PAPSS2: variants seen among roughly 807,000 people sequenced by gnomAD.
The protein encoded by PAPSS2 is bifunctional 3'-phosphoadenosine 5'-phosphosulfate synthase 2.
Under a neutral mutation model 66.5 loss-of-function variants are expected in PAPSS2, and 61 were observed. The ratio of observed to expected loss-of-function variants is 0.92; its 90% CI spans 0.75 to 1.14. The LOEUF is 1.14. PAPSS2 is among the 50% of genes most tolerant of loss of function. The pLI is 0.00. For synonymous variants in PAPSS2, 289 were observed against 287.5 expected, an observed-to-expected ratio of 1.01 and a Z score of -0.05; for missense variants, 708 against 789.6, an observed-to-expected ratio of 0.90 and a Z score of 1.24.
chr10:87,685,234 A>T (rs1440851278), intron 1 of PAPSS2, among the ~76,000 whole-genome samples: 2 of 152,218 alleles, frequency 1.3e-5, no homozygotes, highest in African/African-American at 4.8e-5. Flanking sequence ...TTTGGCTTTA[A>T]CTGTTCAGGC....
chr10:87,703,194 A>T (rs975991771), intron 1 of PAPSS2, among the ~76,000 whole-genome samples: 2 of 152,138 alleles, frequency 1.3e-5, no homozygotes, highest in African/African-American at 4.8e-5. Context: ...CAGTAGAATG[A>T]CACTGCAAAT....
chr10:87,709,320 C>G lies in PAPSS2; in HGVS notation c.145+7C>G. The G allele has an allele frequency of 6.9e-7, 1 of 1,450,886 alleles. No homozygotes were observed. The highest frequency in any genetic ancestry group is 9.5e-7 in the Non-Finnish European group (1 of 1,055,026). 89.9% of individuals were successfully genotyped at this position (1,450,886 alleles called of 1,614,324 possible). A position where few individuals can be genotyped will look rare whatever the true frequency, so the allele number is the denominator to read the frequency against. ...TGTACCGTGTGGCTAACAGGTATGT[C>G]ATGTTCATATATATATATATATATA... On this transcript the variant is annotated splice_region_variant and intron_variant, in intron 2 of 12. Transcript: ENST00000456849.
At chr10:87,721,843 A>G in intron 8 of PAPSS2, 73 bp downstream of exon 8, 1 of 879,848 alleles carries the variant, frequency 1.1e-6, no homozygotes, top group Non-Finnish European at 1.8e-6. Context: ...AATGGTTAAG[A>G]ACATAACTAA....
chr10:87,726,052 A>AT (rs1853655997), intron 8 of PAPSS2, among the ~76,000 whole-genome samples: 2 of 152,174 alleles, frequency 1.3e-5, no homozygotes, highest in Non-Finnish European at 2.9e-5. Context: ...CTGAAAATAC[A>AT]TTTTTTACAA....
chr10:87,745,037 T>C lies in PAPSS2; in HGVS notation c.1527T>C (p.Gly509=), dbSNP rs1853918912. The C allele has an allele frequency of 1.2e-6, 2 of 1,613,942 alleles. No homozygotes were observed. The highest frequency in any genetic ancestry group is 1.3e-5 in the African/African-American group (1 of 74,900). The change falls in exon 12 of 13, where the codon GGT becomes GGC. Residue 509 remains glycine, a synonymous_variant. Transcript: ENST00000456849. ...ACTGCAGGTCCCGGATGATTGCGGG[T>C]GCCAATTTCTACATTGTGGGGAGGG... The part of the protein sequence containing the change: ...QWHCRSRMIA[G]ANFYIVGRDP...
At chr10:87,723,609 GT>G (rs1853622797) in intron 8 of PAPSS2, among the ~76,000 whole-genome samples, 1 of 152,146 alleles carries the variant, frequency 6.6e-6, no homozygotes, top group Non-Finnish European at 1.5e-5. Context: ...CTAGTTTGTG[GT>G]TTATAAAGGG....
At chr10:87,704,192 A>G (rs1052038448) in intron 1 of PAPSS2, among the ~76,000 whole-genome samples, 13 of 152,248 alleles carry the variant, frequency 8.5e-5, no homozygotes, top group African/African-American at 1.7e-4. Flanking sequence ...GTACCTGGCC[A>G]TCCGAAAGTA....
At chr10:87,698,138 A>G (rs770676999) in intron 1 of PAPSS2, among the ~76,000 whole-genome samples, 2 of 152,148 alleles carry the variant, frequency 1.3e-5, no homozygotes, top group Admixed American at 6.5e-5. Context: ...CAATGTTTTC[A>G]TACTATTCAA....
In PAPSS2 at chr10:87,743,545, G is replaced by A. The variant is rs755359457; in HGVS notation, c.1395G>A (p.Lys465=). ...DDDVPLDWRM[K]QHAAVLEEGV... is the part of the protein sequence containing the mutation. ...ATGTGCCTCTAGACTGGCGGATGAA[G>A]CAGCACGCGGCTGTGCTCGAGGAAG... Residue 465 remains lysine (K), a synonymous_variant, in exon 11 of 13, where the codon AAG becomes AAA. Transcript: ENST00000456849. 4 of 1,614,152 alleles carry A rather than the reference G, an allele frequency of 2.5e-6. No individual in the cohort carries two copies. Among genetic ancestry groups the A allele is most frequent in the South Asian group, 2.2e-5 (2 of 91,080 alleles).
chr10:87,733,977 AG>A (rs1272669131), intron 9 of PAPSS2, among the ~76,000 whole-genome samples: 6 of 152,092 alleles, frequency 3.9e-5, no homozygotes, highest in Non-Finnish European at 1.5e-5. Context: ...TGCCAAATGT[AG>A]CTTTCAGTTA....
chr10:87,744,096 C>A (rs7090432), intron 11 of PAPSS2, among the ~76,000 whole-genome samples: 8 of 149,622 alleles, frequency 5.3e-5, no homozygotes, highest in African/African-American at 2.0e-4. Context: ...AGCGAGACTT[C>A]GTCTCAAAAA....
intron 8 of PAPSS2, among the ~76,000 whole-genome samples, chr10:87,722,211 T>C (rs943379236): frequency 6.6e-6 from 1 of 152,206 alleles, no homozygotes; most frequent in African/African-American, 2.4e-5. Flanking sequence ...TTGTGTATGA[T>C]TGTACTTCAT....
In PAPSS2 at chr10:87,713,214, C is replaced by G; in HGVS notation, c.285C>G (p.Asp95Glu). Residue 95 changes from aspartate to glutamate, a missense_variant, in exon 3 of 13, where the codon GAC becomes GAG. By Grantham distance (45) the Asp-to-Glu change is conservative. Coordinates refer to ENST00000456849, the MANE Select transcript of PAPSS2 (RefSeq NM_001015880.2). ...LNRNLGFSPG[D>E]REENIRRIAE... The stretch of plus-strand genomic sequence containing the variant: ...GAAATCTCGGATTCTCTCCTGGGGA[C>G]AGAGAGGAAAATATCCGCCGGATTG... 1 of 1,602,898 alleles carries G rather than the reference C, an allele frequency of 6.2e-7. No homozygotes were observed. The highest frequency in any genetic ancestry group is 8.5e-7 in the Non-Finnish European group (1 of 1,176,406).
chr10:87,685,347 CTT>C (rs1029441948), intron 1 of PAPSS2, among the ~76,000 whole-genome samples: 1 of 152,112 alleles, frequency 6.6e-6, no homozygotes, highest in Non-Finnish European at 1.5e-5. Flanking sequence ...GGAGTCTTCT[CTT>C]TAATGTTTGT....
At chr10:87,688,862 G>A (rs1441475239) in intron 1 of PAPSS2, among the ~76,000 whole-genome samples, 2 of 152,060 alleles carry the variant, frequency 1.3e-5, no homozygotes, top group Non-Finnish European at 2.9e-5. Context: ...ATTGCTTGAA[G>A]TGATACTCAC....
At chr10:87,662,621 G>C (rs1181650102) in intron 1 of PAPSS2, among the ~76,000 whole-genome samples, 1 of 145,834 alleles carries the variant, frequency 6.9e-6, no homozygotes. Context: ...CTGCCTCTAG[G>C]GGACTGGAAA....
At chr10:87,685,677 CT>C (rs1853078996) in intron 1 of PAPSS2, among the ~76,000 whole-genome samples, 1 of 152,096 alleles carries the variant, frequency 6.6e-6, no homozygotes, top group Admixed American at 6.5e-5. Context: ...GAGTGAGACC[CT>C]GTCTCAAAAA....
rs760356906 is a variant in PAPSS2, at chr10:87,745,861, C to G, written c.1751C>G (p.Thr584Ser). 1 of 1,614,086 alleles carries G rather than the reference C, an allele frequency of 6.2e-7. No homozygotes were observed. Among genetic ancestry groups the G allele is most frequent in the Admixed American group, 1.7e-5 (1 of 60,022 alleles). The stretch of plus-strand genomic sequence containing the variant: ...AATGAGTTTGACTTCATCTCAGGAA[C>G]TCGAATGAGGAAGCTCGCCCGGGAA... ...RHNEFDFISG[T>S]RMRKLAREGE... is the part of the protein sequence containing the mutation. Residue 584 changes from threonine to serine, a missense_variant, in exon 13 of 13, where the codon ACT becomes AGT. Coordinates refer to ENST00000456849, the MANE Select transcript of PAPSS2 (RefSeq NM_001015880.2).
chr10:87,711,894 A>T (rs960477346), intron 2 of PAPSS2, among the ~76,000 whole-genome samples: 1 of 151,938 alleles, frequency 6.6e-6, no homozygotes, highest in African/African-American at 2.4e-5. Context: ...GCTTGGCACC[A>T]TGAAATATTC....
Sources: allele counts gnomAD v4.1 joint callset (sites outside exome capture counted in the v4.1 genomes callset), GRCh38; gene constraint gnomAD v4.1.1; transcripts MANE v1.5; gene names NCBI Gene and HGNC (gene_info 2026-07-23, HGNC 2026-07-21).